Variants in BICC1 observed in about 807,000 individuals in gnomAD.
BICC1 encodes BicC family RNA binding protein 1.
Under a neutral mutation model 111.0 loss-of-function variants are expected in BICC1, and 43 were observed. The observed-to-expected ratio is 0.39, with a 90% CI of 0.30 to 0.50. The LOEUF is 0.50. Ranked by LOEUF, BICC1 falls within the 20% of genes least tolerant of loss-of-function variation. BICC1 has a pLI of 0.88. For missense variants in BICC1, 1,091 were observed against 1,203.2 expected, an observed-to-expected ratio of 0.91 and a Z score of 1.38; for synonymous variants, 467 against 434.4, an observed-to-expected ratio of 1.07 and a Z score of -0.93.
chr10:58,543,833 TAAA>T (rs11393752), intron 1 of BICC1, among the ~76,000 whole-genome samples: 4 of 134,972 alleles, frequency 3.0e-5, no homozygotes, highest in African/African-American at 2.8e-5. Context: ...TAACCATAAT[TAAA>T]AAAAAAAAAA....
chr10:58,719,850 A>T (rs1840885053), intron 3 of BICC1, among the ~76,000 whole-genome samples: 1 of 152,242 alleles, frequency 6.6e-6, no homozygotes, highest in Admixed American at 6.5e-5. Context: ...GAGAAAGTAA[A>T]AAATGGCCCT....
intron 1 of BICC1, among the ~76,000 whole-genome samples, chr10:58,613,537 T>C (rs1199926749): frequency 1.3e-5 from 2 of 152,214 alleles, no homozygotes; most frequent in Non-Finnish European, 2.9e-5. Context: ...TTTGAGTCAA[T>C]ATATTATCAT....
intron 1 of BICC1, among the ~76,000 whole-genome samples, chr10:58,548,767 A>G (rs1163569850): frequency 1.3e-5 from 2 of 152,152 alleles, no homozygotes; most frequent in Non-Finnish European, 2.9e-5. Flanking sequence ...ATTTATGTAT[A>G]TGCATATAAG....
intron 1 of BICC1, among the ~76,000 whole-genome samples, chr10:58,580,270 C>A (rs188252843): frequency 6.6e-6 from 1 of 152,108 alleles, no homozygotes; most frequent in African/African-American, 2.4e-5. Flanking sequence ...GTGATCTGCC[C>A]GCCTCTGCCT....
At chr10:58,724,379 C>T (rs978809072) in intron 3 of BICC1, among the ~76,000 whole-genome samples, 3 of 151,484 alleles carry the variant, frequency 2.0e-5, no homozygotes, top group Admixed American at 6.6e-5. Context: ...AACTCTGTGT[C>T]TGTGTGTGTG....
chr10:58,518,585 T>TGC (rs1244728390), intron 1 of BICC1, among the ~76,000 whole-genome samples: 1 of 85,692 alleles, frequency 1.2e-5, no homozygotes, highest in Non-Finnish European at 2.2e-5. Flanking sequence ...TGTGTATGTG[T>TGC]GTGTTGGGGG....
chr10:58,583,582 C>G (rs1250527710), intron 1 of BICC1, among the ~76,000 whole-genome samples: 3 of 69,552 alleles, frequency 4.3e-5, no homozygotes, highest in Non-Finnish European at 9.6e-5. Flanking sequence ...TATTCTCTCT[C>G]TCTGTGTGTG....
At chr10:58,648,566 A>G in intron 2 of BICC1, 1 of 984,966 alleles carries the variant, frequency 1.0e-6, no homozygotes, top group East Asian at 1.1e-4. Flanking sequence ...TATGGAGGGA[A>G]CAATGGTATG....
At chr10:58,661,228 T>G (rs1164265840) in intron 2 of BICC1, among the ~76,000 whole-genome samples, 2 of 110,544 alleles carry the variant, frequency 1.8e-5, no homozygotes, top group African/African-American at 6.8e-5. Flanking sequence ...TTTTTTTTTT[T>G]GTCCCTGAAG....
intron 1 of BICC1, among the ~76,000 whole-genome samples, chr10:58,581,686 G>A (rs1362726079): frequency 1.3e-5 from 2 of 152,048 alleles, no homozygotes; most frequent in African/African-American, 2.4e-5. Context: ...GCTGGGGATC[G>A]GTTTTTCCTA....
At chr10:58,824,906 T>TG (rs1264063530) in intron 20 of BICC1, among the ~76,000 whole-genome samples, 1 of 152,134 alleles carries the variant, frequency 6.6e-6, no homozygotes, top group Non-Finnish European at 1.5e-5. Context: ...GATTTTGAGG[T>TG]GGGGGCGGAG....
At chr10:58,523,472 A>AT (rs914760180) in intron 1 of BICC1, among the ~76,000 whole-genome samples, 2 of 152,262 alleles carry the variant, frequency 1.3e-5, no homozygotes, top group African/African-American at 4.8e-5. Flanking sequence ...ATCTCAATAG[A>AT]TGCAGAAAAG....
rs181664571 is a variant in BICC1, at chr10:58,682,003, C to T, written c.238-20071C>T. Among the ~76,000 whole-genome samples, 1,171 of 148,020 alleles carry T rather than the reference C, an allele frequency of 7.9e-3. 22 individuals are homozygous for T. The highest frequency in any genetic ancestry group is 0.028 in the African/African-American group (1,115 of 39,934). ...TTTACATTAGGTATTTCTCCTAATG[C>T]TATCCCTCCCTCCCTCCCCCCACCC... On this transcript the variant is annotated intron_variant, in intron 2 of 20. Coordinates refer to ENST00000373886, the MANE Select transcript of BICC1 (RefSeq NM_001080512.3).
intron 2 of BICC1, among the ~76,000 whole-genome samples, chr10:58,694,934 G>A (rs914210928): frequency 2.0e-5 from 3 of 152,172 alleles, no homozygotes; most frequent in African/African-American, 4.8e-5. Flanking sequence ...GGCCAAGGGA[G>A]GCAGAAAGAG....
chr10:58,680,597 G>A (rs1195471957), intron 2 of BICC1, among the ~76,000 whole-genome samples: 1 of 152,128 alleles, frequency 6.6e-6, no homozygotes, highest in Non-Finnish European at 1.5e-5. Flanking sequence ...TGGCCATACT[G>A]TCCAAAGTAA....
rs538849203 is a variant in BICC1 at position 58,708,146 on chromosome 10, C to A, written c.307+6003C>A. 9.2e-4 allele frequency among the ~76,000 whole-genome samples: 108 copies of A among 117,526 alleles called. 1 individual carries two copies. The highest frequency in any genetic ancestry group is 1.2e-3 in the Non-Finnish European group (68 of 57,308). 77.1% of individuals were successfully genotyped at this position (117,526 alleles called of 152,430 possible). A position where few individuals can be genotyped will look rare whatever the true frequency, so the allele number is the denominator to read the frequency against. On this transcript the variant is annotated intron_variant, in intron 3 of 20. Coordinates refer to ENST00000373886, the MANE Select transcript of BICC1 (RefSeq NM_001080512.3). ...GGTGTGAGCCACCGCGCCTAGCCAG[C>A]CAATTTTTTTTTTTTTTGTATTTTT...
chr10:58,564,265 A>T (rs1221860558), intron 1 of BICC1, among the ~76,000 whole-genome samples: 1 of 152,150 alleles, frequency 6.6e-6, no homozygotes, highest in Admixed American at 6.6e-5. Context: ...CATGGCTATA[A>T]ATCAAGTCCA....
intron 3 of BICC1, among the ~76,000 whole-genome samples, chr10:58,726,391 G>T (rs1841106074): frequency 6.6e-6 from 1 of 152,144 alleles, no homozygotes; most frequent in Admixed American, 6.5e-5. Flanking sequence ...TCAAAGTCGA[G>T]AACAGGCTTA....
intron 17 of BICC1, among the ~76,000 whole-genome samples, chr10:58,812,091 G>A (rs549144624): frequency 6.6e-6 from 1 of 152,308 alleles, no homozygotes; most frequent in South Asian, 2.1e-4. Context: ...CAGTCTTGTT[G>A]CTTCATGGAA....
Sources: allele counts gnomAD v4.1 joint callset (sites outside exome capture counted in the v4.1 genomes callset), GRCh38; gene constraint gnomAD v4.1.1; transcripts MANE v1.5; gene names NCBI Gene and HGNC (gene_info 2026-07-23, HGNC 2026-07-21).